BASP1: variants seen among roughly 807,000 people sequenced by gnomAD.
BASP1 encodes the protein brain abundant membrane attached signal protein 1.
BASP1 carries 1 observed loss-of-function variant against 2.2 expected under a neutral mutation model. The observed-to-expected ratio is 0.46, with a 90% CI of 0.16 to 2.17. The LOEUF (loss-of-function observed/expected upper bound fraction) is 2.17, where lower values mean the gene tolerates loss of function less well. Ranked by LOEUF, BASP1 falls within the 30% of genes most tolerant of loss-of-function variation. The pLI is 0.27. For synonymous variants in BASP1, 187 were observed against 154.2 expected (o/e 1.21, Z -1.58); for missense variants, 352 against 327.2 (o/e 1.08, Z -0.58).
chr5:17,238,461 C>A (rs1739792107), intron 1 of BASP1, among the ~76,000 whole-genome samples: 1 of 152,150 alleles, frequency 6.6e-6, no homozygotes, highest in Non-Finnish European at 1.5e-5. Flanking sequence ...AGACTAACGT[C>A]AAGCTTCAGA....
intron 1 of BASP1, among the ~76,000 whole-genome samples, chr5:17,247,285 T>C (rs766016421): frequency 1.4e-4 from 21 of 152,244 alleles, no homozygotes; most frequent in Non-Finnish European, 1.3e-4. Flanking sequence ...TGTTGGATTC[T>C]TAAAGTTCTG....
intron 1 of BASP1, among the ~76,000 whole-genome samples, chr5:17,244,957 G>A (rs1338344628): frequency 6.6e-6 from 1 of 150,474 alleles, no homozygotes; most frequent in Non-Finnish European, 1.5e-5. Context: ...TTACAGGCGT[G>A]AGCCACCATG....
intron 1 of BASP1, among the ~76,000 whole-genome samples, chr5:17,227,390 TTA>T (rs10557138): frequency 0.49 from 69,793 of 141,904 alleles, 16,621 homozygotes; most frequent in African/African-American, 0.55. Flanking sequence ...TGACTAATTT[TTA>T]TATATATATA....
chr5:17,259,737 TA>T (rs1335209439), intron 1 of BASP1, among the ~76,000 whole-genome samples: 1 of 152,078 alleles, frequency 6.6e-6, no homozygotes, highest in East Asian at 1.9e-4. Flanking sequence ...ATTTCTGGAG[TA>T]GGCAGGCTTC....
intron 1 of BASP1, among the ~76,000 whole-genome samples, chr5:17,263,511 C>T (rs1740359794): frequency 6.6e-6 from 1 of 152,122 alleles, no homozygotes; most frequent in African/African-American, 2.4e-5. Context: ...GATATTTATG[C>T]ATTTTGGATT....
chr5:17,263,949 A>G (rs532370794), intron 1 of BASP1, among the ~76,000 whole-genome samples: 2 of 152,354 alleles, frequency 1.3e-5, no homozygotes, highest in East Asian at 1.9e-4. Context: ...GGATGTTATT[A>G]GAATTGCTAA....
chr5:17,245,644 CT>C (rs532871092), intron 1 of BASP1, among the ~76,000 whole-genome samples: 427 of 144,648 alleles, frequency 3.0e-3, no homozygotes, highest in Non-Finnish European at 3.8e-3. Flanking sequence ...TAGAAAGTTA[CT>C]TTTTTTTTTT....
At chr5:17,232,211 T>C (rs1357859376) in intron 1 of BASP1, among the ~76,000 whole-genome samples, 1 of 152,230 alleles carries the variant, frequency 6.6e-6, no homozygotes, top group African/African-American at 2.4e-5. Context: ...TGGGAACCTT[T>C]CAGAAACACA....
chr5:17,256,535 C>A (rs1740214674), intron 1 of BASP1, among the ~76,000 whole-genome samples: 1 of 152,130 alleles, frequency 6.6e-6, no homozygotes, highest in Non-Finnish European at 1.5e-5. Context: ...TGTGCAAAAA[C>A]TAAAAATTAT....
intron 1 of BASP1, among the ~76,000 whole-genome samples, chr5:17,224,464 A>C (rs866057956): frequency 7.4e-6 from 1 of 134,276 alleles, no homozygotes; most frequent in Non-Finnish European, 1.6e-5. Context: ...GGGGGAAAAA[A>C]GGGGAAGGGG....
intron 1 of BASP1, among the ~76,000 whole-genome samples, chr5:17,220,244 G>A (rs975661853): frequency 6.6e-6 from 1 of 152,130 alleles, no homozygotes. Context: ...GGCTACGGTG[G>A]CTGTCTAGCT....
chr5:17,253,854 T>A (rs1455852293), intron 1 of BASP1, among the ~76,000 whole-genome samples: 2 of 152,180 alleles, frequency 1.3e-5, no homozygotes, highest in African/African-American at 4.8e-5. Flanking sequence ...TCACCAGTGA[T>A]GAGAAGACCA....
chr5:17,232,811 T>C (rs1196387630), intron 1 of BASP1, among the ~76,000 whole-genome samples: 1 of 152,176 alleles, frequency 6.6e-6, no homozygotes, highest in Non-Finnish European at 1.5e-5. Flanking sequence ...ACCTCTTAGA[T>C]GGTCAACATT....
intron 1 of BASP1, among the ~76,000 whole-genome samples, chr5:17,222,711 CAT>C (rs901538200): frequency 1.6e-4 from 25 of 152,128 alleles, no homozygotes; most frequent in Non-Finnish European, 2.2e-4. Context: ...ATTTAAATAA[CAT>C]AAAAAATTAT....
chr5:17,229,827 A>G (rs113872464), intron 1 of BASP1, among the ~76,000 whole-genome samples: 9,753 of 138,036 alleles, frequency 0.071, 443 homozygotes, highest in Middle Eastern at 0.14. Context: ...TCTGTCACCC[A>G]GGCTGGAGTG....
At chr5:17,227,916 G>A (rs1335977841) in intron 1 of BASP1, among the ~76,000 whole-genome samples, 1 of 152,120 alleles carries the variant, frequency 6.6e-6, no homozygotes, top group Non-Finnish European at 1.5e-5. Flanking sequence ...TCACCCAACT[G>A]GACTTTAGAA....
chr5:17,257,230 A>G (rs1740232504), intron 1 of BASP1, among the ~76,000 whole-genome samples: 1 of 152,190 alleles, frequency 6.6e-6, no homozygotes. Context: ...ATTTATTAAC[A>G]TTTACTTGCT....
At chr5:17,243,853 C>T (rs1468452625) in intron 1 of BASP1, among the ~76,000 whole-genome samples, 1 of 152,174 alleles carries the variant, frequency 6.6e-6, no homozygotes, top group Non-Finnish European at 1.5e-5. Flanking sequence ...TGTCCACTGC[C>T]AGCAGAAAAC....
chr5:17,255,149 T>G (rs1428307305), intron 1 of BASP1, among the ~76,000 whole-genome samples: 1 of 152,230 alleles, frequency 6.6e-6, no homozygotes, highest in East Asian at 1.9e-4. Context: ...AATCTTTCTA[T>G]GTTAGTATTT....
Sources: allele counts gnomAD v4.1 joint callset (sites outside exome capture counted in the v4.1 genomes callset), GRCh38; gene constraint gnomAD v4.1.1; transcripts MANE v1.5; gene names NCBI Gene and HGNC (gene_info 2026-07-23, HGNC 2026-07-21).